The following PDGFRL variants were observed in gnomAD, a reference collection of about 807,000 sequenced individuals.
PDGFRL encodes platelet-derived growth factor receptor-like protein.
PDGFRL carries 46 observed loss-of-function variants against 37.2 expected under a neutral mutation model. The ratio of observed to expected loss-of-function variants is 1.24; its 90% confidence interval spans 0.98 to 1.58. The LOEUF (loss-of-function observed/expected upper bound fraction) is 1.58, where lower values mean the gene tolerates loss of function less well. Among genes scored for constraint, PDGFRL ranks in the 40% most tolerant of loss-of-function variants. The pLI, the probability that PDGFRL is intolerant of heterozygous loss-of-function variation, is 0.00. For synonymous variants in PDGFRL, 251 were observed against 184.3 expected (o/e 1.36, Z -2.93); for missense variants, 692 against 467.6 (o/e 1.48, Z -4.43).
intron 5 of PDGFRL, among the ~76,000 whole-genome samples, chr8:17,637,964 T>C (rs914460501): frequency 1.3e-5 from 2 of 152,134 alleles, no homozygotes; most frequent in Non-Finnish European, 2.9e-5. Flanking sequence ...TGGTTAATTT[T>C]GTTAATAGTC....
intron 5 of PDGFRL, among the ~76,000 whole-genome samples, chr8:17,640,004 T>G (rs1272024991): frequency 2.6e-5 from 4 of 152,190 alleles, no homozygotes; most frequent in African/African-American, 7.2e-5. Context: ...CTTTGTTCGA[T>G]TGGGTTAATC....
intron 2 of PDGFRL, among the ~76,000 whole-genome samples, chr8:17,610,780 G>A (rs111656315): frequency 0.021 from 3,254 of 152,200 alleles, 119 homozygotes; most frequent in African/African-American, 0.073. Context: ...GCCTGGTGGC[G>A]CATGCCTATA....
intron 2 of PDGFRL, among the ~76,000 whole-genome samples, chr8:17,606,883 TTTG>T (rs1281707886): frequency 2.2e-5 from 1 of 44,946 alleles, no homozygotes; most frequent in African/African-American, 7.7e-5. Context: ...TTTTTCGTTT[TTTG>T]TTTTTTTGTT....
chr8:17,642,387 C>G (rs1239388938), intron 5 of PDGFRL, among the ~76,000 whole-genome samples: 1 of 152,198 alleles, frequency 6.6e-6, no homozygotes, highest in Non-Finnish European at 1.5e-5. Context: ...GGCAGAAAGA[C>G]AGTGCCAAAC....
chr8:17,621,824 C>T (rs893609683), intron 3 of PDGFRL, among the ~76,000 whole-genome samples: 2 of 152,028 alleles, frequency 1.3e-5, no homozygotes, highest in African/African-American at 4.8e-5. Flanking sequence ...CCCATTTGTC[C>T]TTTTTATTAT....
intron 1 of PDGFRL, among the ~76,000 whole-genome samples, chr8:17,581,185 C>T (rs1054263125): frequency 1.3e-5 from 2 of 152,026 alleles, no homozygotes; most frequent in African/African-American, 4.8e-5. Flanking sequence ...TGTGAGGATG[C>T]CGTTTGAATG....
chr8:17,577,375 C>T (rs1803608634), intron 1 of PDGFRL, 68 bp downstream of exon 1: 17 of 1,333,098 alleles, frequency 1.3e-5, no homozygotes, highest in Non-Finnish European at 1.7e-5. Context: ...GAAGCCCCCG[C>T]CGCCCTCCTG....
chr8:17,609,974 G>A (rs1296677898), intron 2 of PDGFRL, among the ~76,000 whole-genome samples: 1 of 152,180 alleles, frequency 6.6e-6, no homozygotes, highest in Non-Finnish European at 1.5e-5. Context: ...GTTGGCAGGA[G>A]GGAGATTTGG....
chr8:17,594,186 C>G (rs372053302), intron 2 of PDGFRL, among the ~76,000 whole-genome samples: 1 of 151,978 alleles, frequency 6.6e-6, no homozygotes, highest in African/African-American at 2.4e-5. Flanking sequence ...GATGTTGCAG[C>G]CTATGACGTG....
chr8:17,612,800 T>A (rs2129726171), intron 2 of PDGFRL, among the ~76,000 whole-genome samples: 1 of 152,324 alleles, frequency 6.6e-6, no homozygotes, highest in South Asian at 2.1e-4. Context: ...TAATGTTGAA[T>A]CTTCTAGTTT....
Position 17,586,935 on chromosome 8 carries a change from A to G in PDGFRL, c.56-2533A>G, listed in dbSNP as rs114209269. On this transcript the variant is annotated intron_variant, in intron 1 of 5. Transcript: ENST00000251630. ...ATTTCTCTATAAATTATACGATGCA[A>G]TAGTCTCAAAAATTCAATGGTAATG... is the stretch of plus-strand genomic sequence containing the variant. Among the ~76,000 whole-genome samples, 575 of 152,322 alleles carry G rather than the reference A, an allele frequency of 3.8e-3. 7 individuals are homozygous for G. The highest frequency in any genetic ancestry group is 0.011 in the African/African-American group (446 of 41,552).
chr8:17,578,190 C>G (rs2720576), intron 1 of PDGFRL, among the ~76,000 whole-genome samples: 52,386 of 151,906 alleles, frequency 0.34, 9,163 homozygotes, highest in East Asian at 0.41. Flanking sequence ...GTGTCCTCAA[C>G]CCTCTCTTGA....
intron 5 of PDGFRL, among the ~76,000 whole-genome samples, chr8:17,634,686 G>C (rs1329162424): frequency 2.0e-5 from 3 of 152,160 alleles, no homozygotes; most frequent in Non-Finnish European, 4.4e-5. Context: ...AATGGAGCTG[G>C]AGGCCATTAT....
At chr8:17,604,263 C>A (rs1408132488) in intron 2 of PDGFRL, among the ~76,000 whole-genome samples, 2 of 152,184 alleles carry the variant, frequency 1.3e-5, no homozygotes, top group East Asian at 3.9e-4. Flanking sequence ...ATAAATCATG[C>A]TGCTATAAAG....
At chr8:17,629,155 C>T (rs1312415631) in intron 4 of PDGFRL, among the ~76,000 whole-genome samples, 1 of 149,650 alleles carries the variant, frequency 6.7e-6, no homozygotes, top group Admixed American at 6.7e-5. Context: ...GTCTCGACCT[C>T]CTGGGCTTAA....
At chr8:17,615,806 G>A (rs1188202029) in intron 2 of PDGFRL, among the ~76,000 whole-genome samples, 1 of 152,220 alleles carries the variant, frequency 6.6e-6, no homozygotes, top group Admixed American at 6.5e-5. Flanking sequence ...CTACTCAGGA[G>A]GCCAAGGTGG....
chr8:17,608,680 A>G (rs2427714), intron 2 of PDGFRL, among the ~76,000 whole-genome samples: 105,314 of 151,726 alleles, frequency 0.69, 37,845 homozygotes, highest in East Asian at 0.84. Flanking sequence ...ATGAGGGGGG[A>G]AAAAAGACAG....
chr8:17,593,101 G>C (rs1229839688), intron 2 of PDGFRL, among the ~76,000 whole-genome samples: 1 of 152,164 alleles, frequency 6.6e-6, no homozygotes, highest in East Asian at 1.9e-4. Context: ...TAACAGGATA[G>C]AGTCCTTCTT....
At chr8:17,635,911 T>A (rs142352005) in intron 5 of PDGFRL, among the ~76,000 whole-genome samples, 204 of 152,314 alleles carry the variant, frequency 1.3e-3, no homozygotes, top group Non-Finnish European at 2.2e-3. Flanking sequence ...TGTTGGACTT[T>A]GGTATGTCTT....
Sources: gnomAD v4.1 joint callset for allele counts (sites outside exome capture counted in the v4.1 genomes callset) on GRCh38, gnomAD v4.1.1 for gene constraint, MANE v1.5 for transcripts, NCBI Gene and HGNC (gene_info 2026-07-23, HGNC 2026-07-21) for gene names.